PPP1R12B: variants seen among roughly 807,000 people sequenced by gnomAD.
PPP1R12B encodes the protein myosin phosphatase target subunit 2.
In PPP1R12B, 76 loss-of-function variants were observed where a neutral mutation model predicts 126.1. The ratio of observed to expected loss-of-function variants is 0.60; its 90% CI spans 0.50 to 0.73. The LOEUF (loss-of-function observed/expected upper bound fraction) is 0.73. Among genes scored for constraint, PPP1R12B ranks in the 30% least tolerant of loss-of-function variants. The probability of loss-of-function intolerance (pLI) is 0.00; values close to 1 mark genes in which losing one functional copy is unlikely to be tolerated. For missense variants in PPP1R12B, 1,052 were observed against 1,205.1 expected (o/e 0.87, Z 1.88); for synonymous variants, 356 against 434.7 (o/e 0.82, Z 2.25).
rs894908898 is a variant in PPP1R12B at position 202,583,950 on chromosome 1, A to T, written c.*3390A>T. On this transcript the variant is annotated 3_prime_UTR_variant, in exon 24 of 24. Coordinates refer to ENST00000608999, the MANE Select transcript of PPP1R12B (RefSeq NM_002481.4). The stretch of plus-strand genomic sequence containing the variant: ...TTCAAAAACCGAGCCACACCTTTGG[A>T]AGTAATGATTTGGCCATTCCAGAGA... 3.3e-5 allele frequency: 5 copies of T among 152,186 alleles called. No homozygotes were observed. The highest frequency in any genetic ancestry group is 1.2e-4 in the African/African-American group (5 of 41,440). 9.4% of individuals were successfully genotyped at this position (152,186 alleles called of 1,614,324 possible).
chr1:202,533,538 T>G (rs1252529880), intron 18 of PPP1R12B, among the ~76,000 whole-genome samples: 1 of 152,140 alleles, frequency 6.6e-6, no homozygotes, highest in Non-Finnish European at 1.5e-5. Context: ...AGGCTAATCT[T>G]GAACCCCTGG....
intron 1 of PPP1R12B, among the ~76,000 whole-genome samples, chr1:202,405,695 A>G (rs771429212): frequency 2.6e-4 from 40 of 152,168 alleles, no homozygotes; most frequent in Non-Finnish European, 5.4e-4. Flanking sequence ...ACACAAAACT[A>G]CTTAACCAGT....
intron 7 of PPP1R12B, among the ~76,000 whole-genome samples, 190 bp downstream of exon 7, chr1:202,431,000 A>G (rs923592677): frequency 2.0e-5 from 3 of 152,196 alleles, no homozygotes; most frequent in Non-Finnish European, 2.9e-5. Flanking sequence ...GACACTAAGG[A>G]TGGTTGACTG....
chr1:202,536,619 A>C (rs1684553838), intron 18 of PPP1R12B, among the ~76,000 whole-genome samples: 1 of 152,206 alleles, frequency 6.6e-6, no homozygotes, highest in African/African-American at 2.4e-5. Flanking sequence ...TTTCTTCAAT[A>C]ATAAATAACC....
At chr1:202,353,094 G>A (rs1191121545) in intron 1 of PPP1R12B, among the ~76,000 whole-genome samples, 2 of 152,166 alleles carry the variant, frequency 1.3e-5, no homozygotes, top group Non-Finnish European at 2.9e-5. Context: ...AACAAGTGAG[G>A]GGAGGAGGAT....
At chr1:202,429,602 G>A (rs1669955611) in intron 6 of PPP1R12B, among the ~76,000 whole-genome samples, 1 of 152,152 alleles carries the variant, frequency 6.6e-6, no homozygotes, top group Non-Finnish European at 1.5e-5. Flanking sequence ...CCCATATACA[G>A]ATGAAGAGTG....
At chr1:202,507,147 G>C (rs1252615182) in intron 18 of PPP1R12B, among the ~76,000 whole-genome samples, 1 of 152,182 alleles carries the variant, frequency 6.6e-6, no homozygotes, top group Non-Finnish European at 1.5e-5. Flanking sequence ...TAAATGAGGA[G>C]AAACTGCTCT....
At chr1:202,461,408 A>C (rs1317315586) in intron 13 of PPP1R12B, among the ~76,000 whole-genome samples, 1 of 152,184 alleles carries the variant, frequency 6.6e-6, no homozygotes, top group Non-Finnish European at 1.5e-5. Context: ...AATGAGACAG[A>C]CTATGTGAAA....
intron 18 of PPP1R12B, among the ~76,000 whole-genome samples, chr1:202,531,085 C>T (rs1683891099): frequency 1.3e-5 from 2 of 152,148 alleles, no homozygotes; most frequent in Admixed American, 1.3e-4. Context: ...ATTTTCACAT[C>T]GCATAAATTA....
At chr1:202,396,083 C>T (rs1664940832) in intron 1 of PPP1R12B, among the ~76,000 whole-genome samples, 1 of 152,178 alleles carries the variant, frequency 6.6e-6, no homozygotes, top group Non-Finnish European at 1.5e-5. Flanking sequence ...GATACCACCT[C>T]CTACTGCTTT....
intron 1 of PPP1R12B, among the ~76,000 whole-genome samples, chr1:202,367,475 T>C (rs569964424): frequency 6.6e-6 from 1 of 152,308 alleles, no homozygotes; most frequent in East Asian, 1.9e-4. Flanking sequence ...CCATTAGCTC[T>C]CAGTACTTGT....
At chr1:202,394,071 G>T (rs1488685316) in intron 1 of PPP1R12B, among the ~76,000 whole-genome samples, 1 of 152,166 alleles carries the variant, frequency 6.6e-6, no homozygotes, top group African/African-American at 2.4e-5. Flanking sequence ...GGGTGTGGTG[G>T]CTCACGCCTG....
intron 1 of PPP1R12B, among the ~76,000 whole-genome samples, chr1:202,415,976 A>G (rs1277180451): frequency 6.6e-6 from 1 of 152,130 alleles, no homozygotes; most frequent in Non-Finnish European, 1.5e-5. Context: ...TTTTTTTAAT[A>G]ATAGAGACAG....
chr1:202,426,497 G>A (rs1164944776), intron 4 of PPP1R12B, among the ~76,000 whole-genome samples: 1 of 152,180 alleles, frequency 6.6e-6, no homozygotes, highest in Non-Finnish European at 1.5e-5. Context: ...TTGGAGATAT[G>A]TGGGTATATG....
At chr1:202,522,664 C>T (rs1682896019) in intron 18 of PPP1R12B, among the ~76,000 whole-genome samples, 1 of 152,050 alleles carries the variant, frequency 6.6e-6, no homozygotes, top group Admixed American at 6.6e-5. Flanking sequence ...ATTATCCTTC[C>T]ATATGCTGTT....
chr1:202,446,285 G>T (rs12744511), intron 12 of PPP1R12B, among the ~76,000 whole-genome samples: 25,147 of 108,976 alleles, frequency 0.23, 2,665 homozygotes, highest in Middle Eastern at 0.33. Context: ...ATGGAATATC[G>T]CTCTGTCACC....
chr1:202,452,766 G>T (rs1673167958), intron 13 of PPP1R12B, among the ~76,000 whole-genome samples: 1 of 151,448 alleles, frequency 6.6e-6, no homozygotes, highest in Non-Finnish European at 1.5e-5. Context: ...CCAAATATAA[G>T]ATTATCTATC....
chr1:202,548,773 GCTGTCTCTCTCTCT>G (rs758003982), intron 18 of PPP1R12B, among the ~76,000 whole-genome samples: 60 of 106,868 alleles, frequency 5.6e-4, no homozygotes, highest in Admixed American at 2.3e-3. Flanking sequence ...TCACTCGCTC[GCTGTCTCTCTCTCT>G]CTCTCTCTCT....
At chr1:202,375,753 C>T (rs1279460182) in intron 1 of PPP1R12B, among the ~76,000 whole-genome samples, 2 of 152,160 alleles carry the variant, frequency 1.3e-5, no homozygotes, top group Non-Finnish European at 2.9e-5. Context: ...CAAGGTCTCA[C>T]GGTATTGCCC....
Sources: gnomAD v4.1 joint callset for allele counts (sites outside exome capture counted in the v4.1 genomes callset) on GRCh38, gnomAD v4.1.1 for gene constraint, MANE v1.5 for transcripts, NCBI Gene and HGNC (gene_info 2026-07-23, HGNC 2026-07-21) for gene names.